SNX8: variants seen among roughly 807,000 people sequenced by gnomAD.
SNX8 encodes the protein sorting nexin 8, also known as sorting nexin-8.
A neutral mutation model predicts 51.6 loss-of-function variants in SNX8; 25 were observed. The ratio of observed to expected loss-of-function variants is 0.48; its 90% CI spans 0.35 to 0.68. SNX8 has a LOEUF of 0.68. SNX8 is among the 30% of genes least tolerant of loss of function. The pLI is 0.00. For synonymous variants in SNX8, 324 were observed against 277.0 expected, an observed-to-expected ratio of 1.17 and a Z score of -1.68; for missense variants, 695 against 624.0, an observed-to-expected ratio of 1.11 and a Z score of -1.21.
At chr7:2,265,604 C>T (rs541246478) in intron 5 of SNX8, among the ~76,000 whole-genome samples, 1 of 152,208 alleles carries the variant, frequency 6.6e-6, no homozygotes, top group East Asian at 1.9e-4. Context: ...ATGATCACAA[C>T]ACTGCACTCC....
At chr7:2,353,949 C>G (rs1238905999) in intron 1 of SNX8, 2 of 152,274 alleles carry the variant, frequency 1.3e-5, no homozygotes, top group Admixed American at 1.3e-4. Context: ...TGGTTGTCCT[C>G]CACTCCGGCA....
chr7:2,316,153 A>G (rs1316749283), upstream of SNX8, among the ~76,000 whole-genome samples: 5 of 140,030 alleles, frequency 3.6e-5, no homozygotes, highest in Non-Finnish European at 7.6e-5. Context: ...CCACTCACTC[A>G]CTGCACCCTG....
At chr7:2,325,150 A>G (rs1778600333) in intron 1 of SNX8, among the ~76,000 whole-genome samples, 1 of 152,010 alleles carries the variant, frequency 6.6e-6, no homozygotes, top group African/African-American at 2.4e-5. Flanking sequence ...TTATAAAAAA[A>G]TTTTTTTAGA....
In SNX8 at chr7:2,352,019, C is replaced by T. The variant is rs148765079; in HGVS notation, c.-66+2203G>A. Among the ~76,000 whole-genome samples the T allele has an allele frequency of 6.6e-3, 990 of 150,582 alleles. 10 individuals carry two copies. Among genetic ancestry groups the T allele is most frequent in the African/African-American group, 0.023 (945 of 41,050 alleles). On this transcript the variant is annotated intron_variant, in intron 1 of 5. Transcript: ENST00000435336. Reference sequence around the variant, plus strand: ...GCCTCCAGGGTACAAGTGATTCTCCCGCCTCAGCCTCCTGAGTAGCTGAGA... The same window carrying T: ...GCCTCCAGGGTACAAGTGATTCTCCTGCCTCAGCCTCCTGAGTAGCTGAGA...
chr7:2,304,707 C>A (rs1001909219), intron 1 of SNX8, among the ~76,000 whole-genome samples: 1 of 152,118 alleles, frequency 6.6e-6, no homozygotes, highest in Non-Finnish European at 1.5e-5. Flanking sequence ...TCCTATCTAG[C>A]CAAGGAAGGA....
chr7:2,344,408 G>C (rs1314860281), intron 1 of SNX8, among the ~76,000 whole-genome samples: 2 of 149,152 alleles, frequency 1.3e-5, no homozygotes, highest in Non-Finnish European at 3.0e-5. Context: ...TCAGGAGATC[G>C]AAACCATCCT....
chr7:2,310,460 A>G (rs1286828127), intron 1 of SNX8, among the ~76,000 whole-genome samples: 2 of 152,120 alleles, frequency 1.3e-5, no homozygotes, highest in African/African-American at 2.4e-5. Context: ...TGTCTCTACA[A>G]AAAATTTTAA....
At chr7:2,342,304 C>G (rs1463917848) in intron 1 of SNX8, among the ~76,000 whole-genome samples, 5 of 151,966 alleles carry the variant, frequency 3.3e-5, no homozygotes, top group Admixed American at 2.6e-4. Flanking sequence ...ATGGATAAAT[C>G]TCAAAAGCAC....
At chr7:2,341,450 G>A (rs1239200360) in intron 1 of SNX8, among the ~76,000 whole-genome samples, 2 of 151,778 alleles carry the variant, frequency 1.3e-5, no homozygotes, top group Non-Finnish European at 2.9e-5. Context: ...AGTGAGCTGA[G>A]GTCGCACTAC....
In SNX8 at chr7:2,306,139, T is replaced by G. The variant is rs77936484; in HGVS notation, c.94+8189A>C. ...CTGTGCCCAACCCGGGACAAGTCATTTTTTTGTTTGTTTTTTGTTTTTGAG... is the reference window on the plus strand; with the variant it reads ...CTGTGCCCAACCCGGGACAAGTCATGTTTTTGTTTGTTTTTTGTTTTTGAG... On this transcript the variant is annotated intron_variant, in intron 1 of 10. Transcript: ENST00000222990. Among the ~76,000 whole-genome samples, 666 of 151,942 alleles carry G rather than the reference T, an allele frequency of 4.4e-3. 6 individuals are homozygous for G. Among genetic ancestry groups the G allele is most frequent in the African/African-American group, 0.015 (634 of 41,414 alleles).
At chr7:2,330,625 G>A (rs930307421) in intron 1 of SNX8, among the ~76,000 whole-genome samples, 9 of 152,018 alleles carry the variant, frequency 5.9e-5, no homozygotes, top group Non-Finnish European at 1.2e-4. Context: ...CTTGGGAACT[G>A]AGCCCCCAAC....
chr7:2,282,266 T>A (rs532763185), intron 1 of SNX8, among the ~76,000 whole-genome samples: 1 of 152,318 alleles, frequency 6.6e-6, no homozygotes, highest in South Asian at 2.1e-4. Flanking sequence ...GCTCCCAGAC[T>A]GGCTCACAAA....
At chr7:2,311,251 G>A (rs2115208580) in intron 1 of SNX8, among the ~76,000 whole-genome samples, 1 of 152,284 alleles carries the variant, frequency 6.6e-6, no homozygotes, top group South Asian at 2.1e-4. Context: ...CAAAACTCTA[G>A]AGAAGAGGAA....
chr7:2,273,808 G>A (rs1410257741), intron 3 of SNX8, among the ~76,000 whole-genome samples: 3 of 151,734 alleles, frequency 2.0e-5, no homozygotes, highest in Non-Finnish European at 2.9e-5. Flanking sequence ...GGAGGCTGAG[G>A]CAGGAGAATG....
chr7:2,267,781 G>T (rs1409748783), intron 5 of SNX8, among the ~76,000 whole-genome samples: 1 of 122,876 alleles, frequency 8.1e-6, no homozygotes, highest in Non-Finnish European at 1.7e-5. Context: ...CCATCGTCTG[G>T]GATGTGAGGA....
At chr7:2,329,773 C>T (rs1162680630) in intron 1 of SNX8, among the ~76,000 whole-genome samples, 1 of 151,824 alleles carries the variant, frequency 6.6e-6, no homozygotes, top group Non-Finnish European at 1.5e-5. Flanking sequence ...GGAAGCTCCA[C>T]CGCCCCTGCC....
intron 1 of SNX8, among the ~76,000 whole-genome samples, chr7:2,325,602 C>A (rs145051763): frequency 6.6e-6 from 1 of 151,522 alleles, no homozygotes; most frequent in Non-Finnish European, 1.5e-5. Context: ...CTGAGGTGGG[C>A]GGATTGCTTG....
intron 7 of SNX8, among the ~76,000 whole-genome samples, chr7:2,261,673 G>C (rs534065586): frequency 6.6e-6 from 1 of 152,306 alleles, no homozygotes; most frequent in South Asian, 2.1e-4. Flanking sequence ...AGACAGAAGA[G>C]ACTCAGCCCC....
chr7:2,298,787 G>A (rs946369183), intron 1 of SNX8, among the ~76,000 whole-genome samples: 1 of 151,744 alleles, frequency 6.6e-6, no homozygotes, highest in Non-Finnish European at 1.5e-5. Context: ...CACCTCCCAG[G>A]TTCAAGAGAT....
Sources: gnomAD v4.1 joint callset for allele counts (sites outside exome capture counted in the v4.1 genomes callset) on GRCh38, gnomAD v4.1.1 for gene constraint, MANE v1.5 for transcripts, NCBI Gene and HGNC (gene_info 2026-07-23, HGNC 2026-07-21) for gene names.